The following RBFOX1 variants were observed in gnomAD, a reference collection of about 807,000 sequenced individuals.
The protein encoded by RBFOX1 is RNA binding fox-1 homolog 1.
A neutral mutation model predicts 57.7 loss-of-function variants in RBFOX1; 8 were observed. The ratio of observed to expected loss-of-function variants is 0.14; its 90% confidence interval spans 0.08 to 0.25. The LOEUF (loss-of-function observed/expected upper bound fraction) is 0.25. Ranked by LOEUF, RBFOX1 falls within the 10% of genes least tolerant of loss-of-function variation. The pLI, the probability that RBFOX1 is intolerant of heterozygous loss-of-function variation, is 1.00. For synonymous variants in RBFOX1, 326 were observed against 222.4 expected (o/e 1.47, Z -4.15); for missense variants, 611 against 548.5 (o/e 1.11, Z -1.14).
At chr16:7,006,878 C>G (rs1292032739) in intron 3 of RBFOX1, among the ~76,000 whole-genome samples, 2 of 152,320 alleles carry the variant, frequency 1.3e-5, no homozygotes, top group East Asian at 1.9e-4. Context: ...TCTGTCTGAG[C>G]CTTTGTTCTG....
chr16:7,419,752 C>G (rs1238515706), intron 4 of RBFOX1, among the ~76,000 whole-genome samples: 2 of 152,164 alleles, frequency 1.3e-5, no homozygotes, highest in African/African-American at 4.8e-5. Context: ...TGTTAATTTT[C>G]CGTGGCACCT....
intron 3 of RBFOX1, among the ~76,000 whole-genome samples, chr16:6,836,492 T>C (rs1291452132): frequency 6.6e-6 from 1 of 152,244 alleles, no homozygotes; most frequent in Non-Finnish European, 1.5e-5. Context: ...TCTGTATCAC[T>C]TCAAACCTTC....
chr16:7,350,347 G>A (rs984605606), intron 4 of RBFOX1, among the ~76,000 whole-genome samples: 5 of 152,244 alleles, frequency 3.3e-5, no homozygotes, highest in South Asian at 2.1e-4. Flanking sequence ...AGAAATGACC[G>A]GATGGTCAGT....
At chr16:6,871,257 C>T (rs961237907) in intron 3 of RBFOX1, among the ~76,000 whole-genome samples, 1 of 152,190 alleles carries the variant, frequency 6.6e-6, no homozygotes, top group Non-Finnish European at 1.5e-5. Context: ...ATGATCTCGG[C>T]TCACTCTAAC....
intron 4 of RBFOX1, among the ~76,000 whole-genome samples, chr16:7,318,210 T>G (rs113873145): frequency 0.031 from 4,769 of 151,524 alleles, 156 homozygotes; most frequent in African/African-American, 0.087. Context: ...GATAGTGGTG[T>G]TGGTGGTGAT....
chr16:6,529,903 A>G (rs1375117012), intron 2 of RBFOX1, among the ~76,000 whole-genome samples: 2 of 152,140 alleles, frequency 1.3e-5, no homozygotes, highest in African/African-American at 4.8e-5. Context: ...TTCTCCACTC[A>G]CTGCTCCCAA....
intron 4 of RBFOX1, among the ~76,000 whole-genome samples, chr16:7,472,047 A>C (rs1383048076): frequency 6.6e-6 from 1 of 152,216 alleles, no homozygotes; most frequent in African/African-American, 2.4e-5. Context: ...TATTTGACAC[A>C]ATTTAGCTGC....
chr16:7,539,425 T>C (rs1320634127), intron 5 of RBFOX1, among the ~76,000 whole-genome samples: 2 of 152,116 alleles, frequency 1.3e-5, no homozygotes, highest in African/African-American at 2.4e-5. Context: ...CCCAACCAAA[T>C]AGGAGTCTCT....
At chr16:5,824,311 C>A (rs571790783) in intron 3 of RBFOX1, among the ~76,000 whole-genome samples, 22 of 152,290 alleles carry the variant, frequency 1.4e-4, no homozygotes, top group Admixed American at 1.3e-3. Flanking sequence ...GGGGCTGCCT[C>A]CCTCTTTTTT....
At chr16:7,485,232 G>C (rs548112635) in intron 4 of RBFOX1, among the ~76,000 whole-genome samples, 1 of 152,104 alleles carries the variant, frequency 6.6e-6, no homozygotes, top group Non-Finnish European at 1.5e-5. Context: ...GACTAGTTCT[G>C]TTTATGCATG....
At chr16:6,543,547 C>G (rs113216096) in intron 2 of RBFOX1, among the ~76,000 whole-genome samples, 1,679 of 152,176 alleles carry the variant, frequency 0.011, 32 homozygotes, top group African/African-American at 0.036. Context: ...CTTTTTATAC[C>G]TTACTGTGGC....
intron 4 of RBFOX1, among the ~76,000 whole-genome samples, chr16:5,891,798 C>T (rs1006252810): frequency 6.6e-6 from 1 of 152,170 alleles, no homozygotes; most frequent in Non-Finnish European, 1.5e-5. Context: ...CATCTGATAG[C>T]CAGTGTGGTC....
chr16:6,852,065 A>G (rs1474755631), intron 3 of RBFOX1, among the ~76,000 whole-genome samples: 2 of 151,776 alleles, frequency 1.3e-5, no homozygotes, highest in Non-Finnish European at 2.9e-5. Context: ...AGCTGAGACT[A>G]CAGGCACCTG....
intron 3 of RBFOX1, among the ~76,000 whole-genome samples, chr16:6,669,260 C>CGA (rs2098750129): frequency 6.6e-6 from 1 of 152,084 alleles, no homozygotes; most frequent in Non-Finnish European, 1.5e-5. Flanking sequence ...AAACCATGCC[C>CGA]GTGTGTGTGC....
At chr16:6,303,012 C>T (rs1368029948) in intron 1 of RBFOX1, among the ~76,000 whole-genome samples, 1 of 152,132 alleles carries the variant, frequency 6.6e-6, no homozygotes, top group African/African-American at 2.4e-5. Context: ...ACCCCACTGC[C>T]ATTGATTCTG....
chr16:7,068,256 C>G (rs2056576544), intron 4 of RBFOX1, among the ~76,000 whole-genome samples: 1 of 152,150 alleles, frequency 6.6e-6, no homozygotes, highest in African/African-American at 2.4e-5. Context: ...CAAAATCATG[C>G]CACACTAGTT....
At chr16:7,227,069 C>T (rs1157223846) in intron 4 of RBFOX1, among the ~76,000 whole-genome samples, 1 of 152,152 alleles carries the variant, frequency 6.6e-6, no homozygotes, top group Admixed American at 6.5e-5. Flanking sequence ...CCCCAGCATT[C>T]TTACCTGGCC....
intron 2 of RBFOX1, among the ~76,000 whole-genome samples, chr16:6,351,244 A>G (rs1227182077): frequency 1.3e-5 from 2 of 150,582 alleles, no homozygotes; most frequent in Admixed American, 6.7e-5. Context: ...ATATATATGC[A>G]TATGCGTTTG....
At chr16:5,789,411 G>A (rs970809313) in intron 3 of RBFOX1, among the ~76,000 whole-genome samples, 4 of 152,052 alleles carry the variant, frequency 2.6e-5, no homozygotes, top group South Asian at 2.1e-4. Context: ...CTACAAGCCC[G>A]CATATTTGTG....
Sources: gnomAD v4.1 joint callset for allele counts (sites outside exome capture counted in the v4.1 genomes callset) on GRCh38, gnomAD v4.1.1 for gene constraint, MANE v1.5 for transcripts, NCBI Gene and HGNC (gene_info 2026-07-23, HGNC 2026-07-21) for gene names.